GPRC6A: variants seen among roughly 807,000 people sequenced by gnomAD.
The protein encoded by GPRC6A is G protein-coupled receptor class C group 6 member A.
A neutral mutation model predicts 47.0 loss-of-function variants in GPRC6A; 54 were observed. The observed-to-expected ratio is 1.15, with a 90% CI of 0.92 to 1.44. The LOEUF is 1.44. Ranked by LOEUF, GPRC6A falls within the 40% of genes most tolerant of loss-of-function variation. The pLI, the probability that GPRC6A is intolerant of heterozygous loss-of-function variation, is 0.00. For synonymous variants in GPRC6A, 347 were observed against 377.1 expected (o/e 0.92, Z 0.93); for missense variants, 1,112 against 1,105.5 (o/e 1.01, Z -0.08).
chr6:116,795,772 G>T lies in GPRC6A; in HGVS notation c.1612C>A (p.Gln538Lys). ...TGACATTCATAGCAACAGATGTGTT[G>T]ACTTCTTGTAGTTTTCTTCATTTGC... Reference protein sequence around the residue: ...PGQMKKTTRSQHICCYECQNC... With the variant: ...PGQMKKTTRSKHICCYECQNC... The change falls in exon 5 of 6, where the codon CAA becomes AAA. Residue 538 changes from glutamine to lysine, a missense_variant. Coordinates refer to ENST00000310357, the MANE Select transcript of GPRC6A (RefSeq NM_148963.4). The T allele has an allele frequency of 6.2e-7, 1 of 1,608,722 alleles. No homozygotes were observed. Among genetic ancestry groups the T allele is most frequent in the Non-Finnish European group, 8.5e-7 (1 of 1,175,728 alleles).
intron 1 of GPRC6A, among the ~76,000 whole-genome samples, chr6:116,811,229 A>G (rs1773013223): frequency 6.6e-6 from 1 of 152,134 alleles, no homozygotes; most frequent in Non-Finnish European, 1.5e-5. Flanking sequence ...AAACTACACT[A>G]CTACTGCAAC....
At chr6:116,813,869 G>T (rs759082176) in intron 1 of GPRC6A, among the ~76,000 whole-genome samples, 1 of 151,978 alleles carries the variant, frequency 6.6e-6, no homozygotes, top group Non-Finnish European at 1.5e-5. Flanking sequence ...CCTGAGAAAG[G>T]GCTAATATCT....
At position 116,792,117 on chromosome 6, in the gene GPRC6A, G is replaced by T. The variant is rs530090334; in HGVS notation, c.*25C>A. On this transcript the variant is annotated 3_prime_UTR_variant, in exon 6 of 6. Coordinates refer to ENST00000310357, the MANE Select transcript of GPRC6A (RefSeq NM_148963.4). Reference sequence around the variant, plus strand: ...AAGACCCTGGAAACATTTTATTCTGGAATGTGGCATCTCCTAAGGCTTATT... The same window carrying T: ...AAGACCCTGGAAACATTTTATTCTGTAATGTGGCATCTCCTAAGGCTTATT... 4 of 1,565,324 alleles carry T rather than the reference G, an allele frequency of 2.6e-6. No individual in the cohort carries two copies. In the Admixed American group the frequency reaches 5.4e-5, roughly 21 times the overall value.
At chr6:116,818,478 G>C (rs2114613877) in intron 1 of GPRC6A, among the ~76,000 whole-genome samples, 1 of 115,544 alleles carries the variant, frequency 8.7e-6, no homozygotes, top group South Asian at 3.6e-4. Context: ...AGCTTGCAGT[G>C]AGCCGAGATC....
chr6:116,800,427 A>G (rs192669270), intron 4 of GPRC6A, among the ~76,000 whole-genome samples, 157 bp downstream of exon 4: 1 of 144,320 alleles, frequency 6.9e-6, no homozygotes, highest in Non-Finnish European at 1.5e-5. Flanking sequence ...TCTTTTGCCA[A>G]CTTCAGCTAA....
intron 4 of GPRC6A, among the ~76,000 whole-genome samples, chr6:116,799,453 A>C (rs1392250809): frequency 6.6e-6 from 1 of 152,182 alleles, no homozygotes; most frequent in East Asian, 1.9e-4. Flanking sequence ...AAATCAAGGA[A>C]ATGTAGTGTC....
At chr6:116,819,108 AG>A (rs1466189077) in intron 1 of GPRC6A, among the ~76,000 whole-genome samples, 1 of 152,194 alleles carries the variant, frequency 6.6e-6, no homozygotes, top group Non-Finnish European at 1.5e-5. Context: ...AAAGAGACAA[AG>A]AAGGCCATTA....
At position 116,798,739 on chromosome 6, in the gene GPRC6A, C is replaced by T. The variant is rs536502847; in HGVS notation, c.1548+1845G>A. On this transcript the variant is annotated intron_variant, in intron 4 of 5. Transcript: ENST00000310357. ...CTCTACTAAAAATACAAAAATTAGC[C>T]GGGCATGGTGGTACACACCTGTAAT... Among the ~76,000 whole-genome samples, 68 of 151,806 alleles carry T rather than the reference C, an allele frequency of 4.5e-4. No homozygotes were observed. In the South Asian group the frequency reaches 0.011, roughly 25 times the overall value.
intron 1 of GPRC6A, among the ~76,000 whole-genome samples, chr6:116,826,553 CAG>C (rs1189354797): frequency 1.3e-5 from 2 of 151,734 alleles, no homozygotes; most frequent in African/African-American, 4.8e-5. Flanking sequence ...AAAACAAAAA[CAG>C]ATGCTGGCAA....
At chr6:116,800,976 G>T (rs1772658275) in intron 3 of GPRC6A, among the ~76,000 whole-genome samples, 180 bp from the exon 4 acceptor site, 1 of 152,118 alleles carries the variant, frequency 6.6e-6, no homozygotes, top group Non-Finnish European at 1.5e-5. Context: ...ATTTCACTTG[G>T]GTCCTAGCCT....
At chr6:116,810,880 C>G (rs1606365) in intron 1 of GPRC6A, among the ~76,000 whole-genome samples, 17,731 of 152,144 alleles carry the variant, frequency 0.12, 1,521 homozygotes, top group East Asian at 0.42. Context: ...CATCCTGTCA[C>G]TGCCGTTGCC....
At chr6:116,808,731 A>G (rs1772930531) in intron 2 of GPRC6A, among the ~76,000 whole-genome samples, 1 of 152,160 alleles carries the variant, frequency 6.6e-6, no homozygotes, top group Non-Finnish European at 1.5e-5. Flanking sequence ...TCAGTGACGT[A>G]GAGAGTTACA....
chr6:116,822,879 A>G (rs533261409), intron 1 of GPRC6A, among the ~76,000 whole-genome samples: 60 of 144,390 alleles, frequency 4.2e-4, no homozygotes, highest in African/African-American at 1.5e-3. Flanking sequence ...AAAAGAAACA[A>G]TTACTAGTCT....
intron 5 of GPRC6A, among the ~76,000 whole-genome samples, chr6:116,793,855 A>T (rs1268152030): frequency 6.6e-6 from 1 of 152,228 alleles, no homozygotes; most frequent in East Asian, 1.9e-4. Flanking sequence ...AAGCAGAGGC[A>T]ATATGGCTAG....
At chr6:116,798,622 T>C (rs1027476859) in intron 4 of GPRC6A, among the ~76,000 whole-genome samples, 3 of 152,110 alleles carry the variant, frequency 2.0e-5, no homozygotes, top group Non-Finnish European at 4.4e-5. Flanking sequence ...CGGTGGGTTA[T>C]GCCTCTAATT....
chr6:116,797,401 A>G (rs1772523471), intron 4 of GPRC6A, among the ~76,000 whole-genome samples: 1 of 152,160 alleles, frequency 6.6e-6, no homozygotes, highest in Non-Finnish European at 1.5e-5. Context: ...TTGATTTAGG[A>G]TTATCTGATG....
intron 1 of GPRC6A, among the ~76,000 whole-genome samples, chr6:116,810,696 C>T (rs920014261): frequency 2.0e-5 from 3 of 151,410 alleles, no homozygotes; most frequent in African/African-American, 7.3e-5. Flanking sequence ...GAAAGTATAT[C>T]AAAACCCTGA....
At chr6:116,816,729 C>T (rs935957266) in intron 1 of GPRC6A, among the ~76,000 whole-genome samples, 9 of 152,342 alleles carry the variant, frequency 5.9e-5, no homozygotes, top group Admixed American at 1.3e-4. Flanking sequence ...ACTTGGGAAG[C>T]GCAAGGGGTC....
chr6:116,827,170 T>C (rs1030189041), intron 1 of GPRC6A, among the ~76,000 whole-genome samples: 4 of 151,872 alleles, frequency 2.6e-5, no homozygotes, highest in African/African-American at 9.7e-5. Flanking sequence ...CAACAATGTA[T>C]TGGATATTTC....
Sources: allele counts gnomAD v4.1 joint callset (sites outside exome capture counted in the v4.1 genomes callset), GRCh38; gene constraint gnomAD v4.1.1; transcripts MANE v1.5; gene names NCBI Gene and HGNC (gene_info 2026-07-23, HGNC 2026-07-21).